RORA: variants seen among roughly 807,000 people sequenced by gnomAD.
RORA encodes the protein RAR related orphan receptor A.
Under a neutral mutation model 69.5 loss-of-function variants are expected in RORA, and 7 were observed. The ratio of observed to expected loss-of-function variants is 0.10; its 90% CI spans 0.06 to 0.19. The LOEUF is 0.19. Ranked by LOEUF, RORA falls within the 10% of genes least tolerant of loss-of-function variation. RORA has a pLI of 1.00. For synonymous variants in RORA, 261 were observed against 240.8 expected, an observed-to-expected ratio of 1.08 and a Z score of -0.78; for missense variants, 457 against 663.0, an observed-to-expected ratio of 0.69 and a Z score of 3.41.
chr15:61,021,913 C>T (rs1047688313), intron 1 of RORA, among the ~76,000 whole-genome samples: 2 of 152,140 alleles, frequency 1.3e-5, no homozygotes, highest in Non-Finnish European at 2.9e-5. Flanking sequence ...ATTTTGAGGG[C>T]GGGCACTATA....
chr15:60,841,133 T>A (rs1313009489), intron 1 of RORA: 1 of 971,226 alleles, frequency 1.0e-6, no homozygotes, highest in Non-Finnish European at 1.2e-6. Context: ...CAACTTTTTC[T>A]TGTTTTCTCT....
chr15:60,793,539 C>T (rs1279717955), intron 1 of RORA, among the ~76,000 whole-genome samples: 1 of 118,334 alleles, frequency 8.5e-6, no homozygotes, highest in Admixed American at 8.1e-5. Context: ...TGCTGGATGC[C>T]AGTTTCTTAA....
At chr15:61,228,226 G>A (rs1275102097) in intron 1 of RORA, among the ~76,000 whole-genome samples, 3 of 152,120 alleles carry the variant, frequency 2.0e-5, no homozygotes, top group East Asian at 3.9e-4. Flanking sequence ...TTTTGTAGAC[G>A]CTCCCTCCGG....
Position 60,505,500 on chromosome 15 carries a change from G to A in RORA, c.942+8C>T. ...CAATCCTAGGAGGAAAAATTCCTCA[G>A]ATCATACCTTGTTTTGATAGTTCTC... On this transcript the variant is annotated splice_region_variant and intron_variant, in intron 6 of 10. Transcript: ENST00000335670. 1.2e-6 allele frequency: 2 copies of A among 1,613,650 alleles called. No individual in the cohort carries two copies. The highest frequency in any genetic ancestry group is 1.7e-6 in the Non-Finnish European group (2 of 1,179,688).
intron 1 of RORA, among the ~76,000 whole-genome samples, chr15:60,999,540 A>C (rs1894680255): frequency 6.6e-6 from 1 of 152,340 alleles, no homozygotes; most frequent in East Asian, 1.9e-4. Context: ...GTTGTCTTTT[A>C]GACATGCCCT....
intron 5 of RORA, among the ~76,000 whole-genome samples, chr15:60,506,069 G>T (rs1157181590): frequency 1.3e-5 from 2 of 152,182 alleles, no homozygotes; most frequent in Non-Finnish European, 2.9e-5. Flanking sequence ...TGACAACTAG[G>T]TATTTCTTTT....
intron 3 of RORA, among the ~76,000 whole-genome samples, chr15:60,526,516 G>A (rs2066362661): frequency 6.6e-6 from 1 of 152,172 alleles, no homozygotes; most frequent in Admixed American, 6.5e-5. Context: ...TCATCTTGAT[G>A]CAAATTGGGT....
At chr15:60,677,484 C>T (rs560067570) in intron 2 of RORA, among the ~76,000 whole-genome samples, 2 of 152,168 alleles carry the variant, frequency 1.3e-5, no homozygotes, top group African/African-American at 4.8e-5. Flanking sequence ...GCAAACATTC[C>T]ATTGAAGGCC....
At chr15:60,893,655 G>A (rs970941812) in intron 1 of RORA, among the ~76,000 whole-genome samples, 2 of 152,150 alleles carry the variant, frequency 1.3e-5, no homozygotes, top group Non-Finnish European at 2.9e-5. Flanking sequence ...GGCTCCTAAG[G>A]GAAGCGGGGG....
rs143890444 is a variant in RORA, at chr15:60,696,556, C to T, written c.167-17870G>A. Among the ~76,000 whole-genome samples, 382 of 152,200 alleles carry T rather than the reference C, an allele frequency of 2.5e-3. 3 individuals are homozygous for T. The highest frequency in any genetic ancestry group is 8.6e-3 in the African/African-American group (358 of 41,500). ...CTACCCTCCTTTTCTCCCAGCCCAC[C>T]GCACCACCACATCACCACATACGCC... On this transcript the variant is annotated intron_variant, in intron 1 of 10. Coordinates refer to ENST00000335670, the MANE Select transcript of RORA (RefSeq NM_134261.3).
intron 1 of RORA, among the ~76,000 whole-genome samples, chr15:60,696,648 C>G (rs1285658146): frequency 1.3e-5 from 2 of 152,170 alleles, no homozygotes; most frequent in African/African-American, 4.8e-5. Flanking sequence ...TGCTTACACA[C>G]TGCAATGTAT....
chr15:60,785,911 G>A (rs1331607154), intron 1 of RORA, among the ~76,000 whole-genome samples: 4 of 152,182 alleles, frequency 2.6e-5, no homozygotes, highest in South Asian at 2.1e-4. Flanking sequence ...TGTATGCTCC[G>A]CACAACAGGG....
intron 1 of RORA, among the ~76,000 whole-genome samples, chr15:61,034,607 T>C (rs995897814): frequency 1.3e-5 from 2 of 152,184 alleles, no homozygotes; most frequent in African/African-American, 4.8e-5. Flanking sequence ...ACCAATTTCT[T>C]TTTCTTCAAG....
chr15:60,497,229 G>A lies in RORA; in HGVS notation c.*226C>T, dbSNP rs2065190316. 2 of 462,532 alleles carry A rather than the reference G, an allele frequency of 4.3e-6. No homozygotes were observed. The highest frequency in any genetic ancestry group is 7.7e-6 in the Non-Finnish European group (2 of 259,462). The allele number at this position is 462,532 out of a possible 1,614,324, so 28.7% of individuals were successfully genotyped here. ...ATCAAGAAGTCAAGACAGAAAAAGG[G>A]TCCATATCTGTAGGCATAATGGAAA... On this transcript the variant is annotated 3_prime_UTR_variant, in exon 11 of 11. Coordinates refer to ENST00000335670, the MANE Select transcript of RORA (RefSeq NM_134261.3).
In RORA at chr15:60,497,512, T is replaced by C; in HGVS notation, c.1515A>G (p.Pro505=). The C allele has an allele frequency of 6.2e-7, 1 of 1,614,040 alleles. No homozygotes were observed. The highest frequency in any genetic ancestry group is 8.5e-7 in the Non-Finnish European group (1 of 1,179,902). ...CTGAAGTGAACAACTCCTTGTATAA[T>C]GGAGGAAAATGAAGTCGCACAATGT... is the stretch of plus-strand genomic sequence containing the variant. ...YPDIVRLHFP[P]LYKELFTSEF... The change falls in exon 11 of 11, where the codon CCA becomes CCG. Residue 505 remains proline (P), a synonymous_variant. Transcript: ENST00000335670.
At chr15:60,673,947 C>A (rs1447729691) in intron 2 of RORA, among the ~76,000 whole-genome samples, 1 of 152,214 alleles carries the variant, frequency 6.6e-6, no homozygotes, top group East Asian at 1.9e-4. Flanking sequence ...GTAAGCTAAG[C>A]AATGAATCTT....
At chr15:60,624,356 G>C (rs1197925900) in intron 2 of RORA, among the ~76,000 whole-genome samples, 1 of 150,570 alleles carries the variant, frequency 6.6e-6, no homozygotes, top group African/African-American at 2.4e-5. Context: ...AGACCATAGA[G>C]AGTCAAGAGG....
At position 61,095,906 on chromosome 15, in the gene RORA, G is replaced by T. The variant is rs547510266; in HGVS notation, c.166+133147C>A. On this transcript the variant is annotated intron_variant, in intron 1 of 10. Transcript: ENST00000335670. The stretch of plus-strand genomic sequence containing the variant: ...AAACTGGCCCATCTTTTCTACTAAA[G>T]GCCTGGTCCTCAGAATGATGAGATG... 2.6e-5 allele frequency among the ~76,000 whole-genome samples: 4 copies of T among 152,302 alleles called. No homozygotes were observed. The East Asian group carries it at 7.7e-4, about 29-fold the overall frequency.
At chr15:60,743,789 A>T (rs341417) in intron 1 of RORA, among the ~76,000 whole-genome samples, 139,632 of 152,272 alleles carry the variant, frequency 0.92, 64,316 homozygotes, top group Non-Finnish European at 0.96. Flanking sequence ...TCACTGTCTC[A>T]GTTACATGCA....
Sources: allele counts gnomAD v4.1 joint callset (sites outside exome capture counted in the v4.1 genomes callset), GRCh38; gene constraint gnomAD v4.1.1; transcripts MANE v1.5; gene names NCBI Gene and HGNC (gene_info 2026-07-23, HGNC 2026-07-21).